CLMP: variants seen among roughly 807,000 people sequenced by gnomAD.
CLMP encodes CXADR-like membrane protein.
Under a neutral mutation model 45.2 loss-of-function variants are expected in CLMP, and 27 were observed. The ratio of observed to expected loss-of-function variants is 0.60; its 90% CI spans 0.44 to 0.82. The LOEUF is 0.82. Ranked by LOEUF, CLMP falls within the 40% of genes least tolerant of loss-of-function variation. The pLI, the probability that CLMP is intolerant of heterozygous loss-of-function variation, is 0.00. For missense variants in CLMP, 403 were observed against 448.4 expected, an observed-to-expected ratio of 0.90 and a Z score of 0.91; for synonymous variants, 167 against 171.4, an observed-to-expected ratio of 0.97 and a Z score of 0.20.
chr11:123,097,334 T>TTTTC (rs113269566), intron 2 of CLMP, among the ~76,000 whole-genome samples: 53 of 151,474 alleles, frequency 3.5e-4, no homozygotes, highest in Admixed American at 2.6e-3. Flanking sequence ...TCTGGCTAAT[T>TTTTC]TTTCTTTCTT....
intron 1 of CLMP, among the ~76,000 whole-genome samples, chr11:123,151,064 T>C (rs1861331361): frequency 6.6e-6 from 1 of 152,128 alleles, no homozygotes; most frequent in African/African-American, 2.4e-5. Context: ...ATTCAACAGG[T>C]GTTTCGGTGG....
chr11:123,155,193 G>A (rs1358112584), intron 1 of CLMP, among the ~76,000 whole-genome samples: 2 of 152,188 alleles, frequency 1.3e-5, no homozygotes, highest in Non-Finnish European at 2.9e-5. Flanking sequence ...GTCTTACTAT[G>A]TTCACCAGGC....
At chr11:123,124,693 T>C (rs1860864754) in intron 1 of CLMP, among the ~76,000 whole-genome samples, 1 of 152,218 alleles carries the variant, frequency 6.6e-6, no homozygotes, top group Admixed American at 6.5e-5. Context: ...CATACAGCAG[T>C]GAACAAAACG....
intron 1 of CLMP, among the ~76,000 whole-genome samples, chr11:123,112,663 A>G (rs1380054687): frequency 6.6e-6 from 1 of 151,926 alleles, no homozygotes; most frequent in Non-Finnish European, 1.5e-5. Flanking sequence ...TCATATTTAA[A>G]ACTAGGCAGC....
chr11:123,082,671 C>G (rs755038232), intron 5 of CLMP, among the ~76,000 whole-genome samples: 1 of 150,266 alleles, frequency 6.7e-6, no homozygotes, highest in Admixed American at 6.7e-5. Context: ...AGTGCAGTGG[C>G]GTGATCTTGG....
chr11:123,106,202 ATTC>A (rs571602213), intron 1 of CLMP, among the ~76,000 whole-genome samples: 181 of 151,964 alleles, frequency 1.2e-3, no homozygotes, highest in Non-Finnish European at 1.7e-3. Flanking sequence ...GCCCAAGATA[ATTC>A]TTCTTCTTCC....
chr11:123,096,578 C>G (rs547175908), intron 2 of CLMP, among the ~76,000 whole-genome samples: 1 of 152,204 alleles, frequency 6.6e-6, no homozygotes, highest in South Asian at 2.1e-4. Context: ...TGACCTCGCT[C>G]TACAGAGAAC....
chr11:123,168,220 CT>C (rs1158997134), intron 1 of CLMP, among the ~76,000 whole-genome samples: 1 of 145,258 alleles, frequency 6.9e-6, no homozygotes, highest in Non-Finnish European at 1.5e-5. Flanking sequence ...GGTACCTATG[CT>C]TTTTCCACAA....
intron 1 of CLMP, among the ~76,000 whole-genome samples, chr11:123,109,394 A>G (rs1298680121): frequency 1.4e-5 from 2 of 141,950 alleles, no homozygotes; most frequent in Non-Finnish European, 3.0e-5. Flanking sequence ...AGCCAATGTT[A>G]TCAACTCTTT....
At chr11:123,130,775 G>A (rs79112641) in intron 1 of CLMP, among the ~76,000 whole-genome samples, 2,352 of 151,624 alleles carry the variant, frequency 0.016, 58 homozygotes, top group African/African-American at 0.053. Flanking sequence ...TCTAAACACC[G>A]TCATAGCAAA....
chr11:123,143,694 A>C (rs937351264), intron 1 of CLMP, among the ~76,000 whole-genome samples: 3 of 152,238 alleles, frequency 2.0e-5, no homozygotes, highest in African/African-American at 7.2e-5. Context: ...TCTTAGGCTC[A>C]CATTTCAACA....
intron 1 of CLMP, among the ~76,000 whole-genome samples, chr11:123,137,389 G>A (rs1029938446): frequency 4.6e-5 from 7 of 151,824 alleles, no homozygotes; most frequent in African/African-American, 1.5e-4. Context: ...AAATTCAGAG[G>A]ACTCGCGTTT....
intron 1 of CLMP, among the ~76,000 whole-genome samples, chr11:123,114,883 C>T (rs192051981): frequency 3.3e-5 from 5 of 152,150 alleles, no homozygotes; most frequent in East Asian, 3.9e-4. Flanking sequence ...GCACAGATTA[C>T]GAGGAATTGA....
intron 1 of CLMP, among the ~76,000 whole-genome samples, chr11:123,126,621 G>C (rs1172377773): frequency 6.6e-6 from 1 of 152,086 alleles, no homozygotes; most frequent in African/African-American, 2.4e-5. Flanking sequence ...AACTAGGCTG[G>C]GTGCAGTAGC....
chr11:123,083,959 C>G, intron 3 of CLMP, 112 bp from the exon 4 acceptor site: 1 of 1,283,838 alleles, frequency 7.8e-7, no homozygotes, highest in South Asian at 1.4e-5. Flanking sequence ...CTGTTTTGGT[C>G]AACTTTTGAG....
chr11:123,074,902 T>C (rs1348498323), intron 5 of CLMP, 59 bp from the exon 6 acceptor site: 5 of 1,567,358 alleles, frequency 3.2e-6, no homozygotes, highest in South Asian at 1.1e-5. Flanking sequence ...AAATATGTTA[T>C]TAACTCAAAA....
intron 1 of CLMP, among the ~76,000 whole-genome samples, chr11:123,169,655 A>G (rs2135539748): frequency 6.6e-6 from 1 of 152,340 alleles, no homozygotes; most frequent in African/African-American, 2.4e-5. Flanking sequence ...TTGAAGAAAC[A>G]TATTCTGAAC....
intron 1 of CLMP, among the ~76,000 whole-genome samples, chr11:123,162,164 T>A (rs1340238369): frequency 6.6e-6 from 1 of 152,164 alleles, no homozygotes; most frequent in Non-Finnish European, 1.5e-5. Flanking sequence ...AGAGCTCATT[T>A]TAGAGTTGAA....
chr11:123,185,290 T>C (rs759608712), intron 1 of CLMP, among the ~76,000 whole-genome samples: 2 of 151,998 alleles, frequency 1.3e-5, no homozygotes, highest in Non-Finnish European at 2.9e-5. Flanking sequence ...GGGCAATACA[T>C]GAAAGATGAG....
Sources: gnomAD v4.1 joint callset for allele counts (sites outside exome capture counted in the v4.1 genomes callset) on GRCh38, gnomAD v4.1.1 for gene constraint, MANE v1.5 for transcripts, NCBI Gene and HGNC (gene_info 2026-07-23, HGNC 2026-07-21) for gene names.